ILKAP: variants seen among roughly 807,000 people sequenced by gnomAD.
The protein encoded by ILKAP is ILK associated serine/threonine phosphatase, also known as integrin-linked kinase-associated serine/threonine phosphatase 2C.
A neutral mutation model predicts 49.1 loss-of-function variants in ILKAP; 11 were observed. The observed-to-expected ratio is 0.22, with a 90% CI of 0.14 to 0.37. The LOEUF is 0.37. ILKAP is among the 10% of genes least tolerant of loss of function. ILKAP has a pLI of 1.00. For missense variants in ILKAP, 363 were observed against 510.8 expected, an observed-to-expected ratio of 0.71 and a Z score of 2.79; for synonymous variants, 186 against 192.8, an observed-to-expected ratio of 0.96 and a Z score of 0.29.
chr2:238,176,067 T>A (rs989812991), intron 9 of ILKAP, among the ~76,000 whole-genome samples: 16 of 151,830 alleles, frequency 1.1e-4, no homozygotes, highest in Admixed American at 3.9e-4. Flanking sequence ...CTGCCCAAAG[T>A]TCATTCTCTT....
At chr2:238,194,922 A>AT (rs1398608288) in intron 1 of ILKAP, 52 bp from the exon 2 acceptor site, 1 of 1,420,738 alleles carries the variant, frequency 7.0e-7, no homozygotes, top group African/African-American at 1.4e-5. Context: ...CCCAGGACAG[A>AT]TTTTCAAAGA....
At chr2:238,170,857 G>T in intron 11 of ILKAP, 86 bp downstream of exon 11, 1 of 1,442,780 alleles carries the variant, frequency 6.9e-7, no homozygotes, top group East Asian at 2.3e-5. Flanking sequence ...TCCCACAATG[G>T]GAGGAAATGG....
At chr2:238,197,622 T>C (rs577980221) in intron 1 of ILKAP, among the ~76,000 whole-genome samples, 52 of 152,228 alleles carry the variant, frequency 3.4e-4, no homozygotes, top group Admixed American at 7.9e-4. Context: ...CAGCTTAGTA[T>C]TAATACTAGC....
At chr2:238,195,522 T>C (rs1204526466) in intron 1 of ILKAP, among the ~76,000 whole-genome samples, 5 of 152,254 alleles carry the variant, frequency 3.3e-5, no homozygotes, top group African/African-American at 9.6e-5. Flanking sequence ...TCCAAAAGTA[T>C]GTCTTAAATG....
At chr2:238,200,654 T>C (rs567768586) in intron 1 of ILKAP, among the ~76,000 whole-genome samples, 1 of 152,168 alleles carries the variant, frequency 6.6e-6, no homozygotes, top group Non-Finnish European at 1.5e-5. Context: ...AAGCCTTGTC[T>C]CTACAAAACA....
At chr2:238,198,980 C>T (rs1370413552) in intron 1 of ILKAP, among the ~76,000 whole-genome samples, 1 of 152,166 alleles carries the variant, frequency 6.6e-6, no homozygotes, top group Non-Finnish European at 1.5e-5. Flanking sequence ...GCCACACCCC[C>T]CAACCACAGT....
intron 10 of ILKAP, among the ~76,000 whole-genome samples, 197 bp from the exon 11 acceptor site, chr2:238,171,221 G>A (rs991426622): frequency 1.4e-5 from 2 of 146,450 alleles, no homozygotes; most frequent in African/African-American, 5.1e-5. Context: ...GTGCAATGAC[G>A]CAATCTTGGC....
intron 8 of ILKAP, 141 bp downstream of exon 8, chr2:238,183,512 C>T (rs578025807): frequency 6.3e-6 from 4 of 636,158 alleles, no homozygotes; most frequent in Non-Finnish European, 1.1e-5. Flanking sequence ...AGTTAAACTG[C>T]AGCAGAACAC....
At chr2:238,189,531 T>TA (rs1694036587) in intron 4 of ILKAP, among the ~76,000 whole-genome samples, 1 of 152,130 alleles carries the variant, frequency 6.6e-6, no homozygotes, top group Non-Finnish European at 1.5e-5. Context: ...AAACAAAGAT[T>TA]GGAAGTCAGA....
chr2:238,190,351 G>A (rs561084003), intron 3 of ILKAP, among the ~76,000 whole-genome samples: 8 of 152,084 alleles, frequency 5.3e-5, no homozygotes, highest in South Asian at 4.2e-4. Flanking sequence ...TCCTAATCAC[G>A]TTCCAAAAAG....
Position 238,188,203 on chromosome 2 carries a change from C to T in ILKAP, c.353G>A (p.Arg118Lys), listed in dbSNP as rs775271626. 3 of 1,614,088 alleles carry T rather than the reference C, an allele frequency of 1.9e-6. No homozygotes were observed. The highest frequency in any genetic ancestry group is 2.5e-6 in the Non-Finnish European group (3 of 1,179,998). Residue 118 changes from arginine (R) to lysine (K), a missense_variant, in exon 5 of 12, where the codon AGG becomes AAG. By Grantham distance (26) the Arg-to-Lys change is conservative. Transcript: ENST00000254654. ...KGYVAERKGE[R>K]EEMQDAHVIL... is the part of the protein sequence containing the mutation. ...GACGTGGGCATCCTGCATCTCCTCC[C>T]TCTCACCCTTCCGCTCAGCCACATA...
intron 10 of ILKAP, among the ~76,000 whole-genome samples, chr2:238,171,415 CCT>C (rs1230757638): frequency 3.3e-5 from 5 of 152,156 alleles, no homozygotes; most frequent in African/African-American, 1.2e-4. Context: ...CCTGCCTCAG[CCT>C]CCCAAAGTGC....
chr2:238,193,284 G>C (rs1276920518), intron 3 of ILKAP, among the ~76,000 whole-genome samples: 2 of 152,108 alleles, frequency 1.3e-5, no homozygotes, highest in Non-Finnish European at 2.9e-5. Context: ...GCAATGGCGT[G>C]ATCTCAGCTC....
chr2:238,195,683 T>C (rs1694312124), intron 1 of ILKAP, among the ~76,000 whole-genome samples: 1 of 152,098 alleles, frequency 6.6e-6, no homozygotes. Context: ...CCTGCAAAGT[T>C]CAACACACCA....
chr2:238,183,975 C>T, intron 7 of ILKAP, 45 bp downstream of exon 7: 1 of 1,168,508 alleles, frequency 8.6e-7, no homozygotes, highest in Non-Finnish European at 1.3e-6. Flanking sequence ...TTTAGGAAAA[C>T]ACCACACACA....
Position 238,170,588 on chromosome 2 carries a change from T to C in ILKAP, c.1127A>G (p.Gln376Arg). ...ACNRLANKAV[Q>R]RGSADNVTVM... ...AGTGACGTTGTCGGCCGAGCCCCGC[T>C]GCACCGCCTTGTTGGCCAGCCTGTT... Residue 376 changes from glutamine (Q) to arginine (R), a missense_variant, in exon 12 of 12, where the codon CAG (glutamine) becomes CGG (arginine). Gln to Arg is a conservative substitution (Grantham distance 43). Around this residue, in one of 3 missense-constraint regions of ILKAP, gnomAD observed 83 missense variants for 87.5 expected, o/e 0.95. Transcript: ENST00000254654. 1.2e-6 allele frequency: 2 copies of C among 1,608,268 alleles called. No individual in the cohort carries two copies. The highest frequency in any genetic ancestry group is 1.1e-5 in the South Asian group (1 of 90,906).
intron 2 of ILKAP, 86 bp from the exon 3 acceptor site, chr2:238,194,417 A>G (rs1177367029): frequency 1.6e-6 from 2 of 1,261,364 alleles, no homozygotes; most frequent in Admixed American, 1.9e-5. Context: ...ACACCTATGT[A>G]GGTTACTGAA....
chr2:238,189,621 G>C, intron 4 of ILKAP: 1 of 322,110 alleles, frequency 3.1e-6, no homozygotes, highest in Non-Finnish European at 5.7e-6. Flanking sequence ...TAACTCTTGA[G>C]GAACAAATGT....
At chr2:238,185,877 A>G (rs1693889254) in intron 5 of ILKAP, 1 of 152,168 alleles carries the variant, frequency 6.6e-6, no homozygotes, top group Non-Finnish European at 1.5e-5. Flanking sequence ...AAGACCTGCT[A>G]AAGGTCTAAT....
Sources: allele counts gnomAD v4.1 joint callset (sites outside exome capture counted in the v4.1 genomes callset), GRCh38; gene constraint gnomAD v4.1.1; regional missense constraint gnomAD v4.1.1; transcripts MANE v1.5; gene names NCBI Gene and HGNC (gene_info 2026-07-23, HGNC 2026-07-21).